Variants in BCAR3 observed in about 807,000 individuals in gnomAD.
BCAR3 encodes breast cancer anti-estrogen resistance protein 3.
A neutral mutation model predicts 80.1 loss-of-function variants in BCAR3; 37 were observed. That is an observed-to-expected ratio of 0.46 (90% CI 0.36 to 0.61). BCAR3 has a LOEUF of 0.61. Ranked by LOEUF, BCAR3 falls within the 20% of genes least tolerant of loss-of-function variation. BCAR3 has a pLI of 0.00. For synonymous variants in BCAR3, 389 were observed against 418.9 expected, an observed-to-expected ratio of 0.93 and a Z score of 0.87; for missense variants, 978 against 1,068.2, an observed-to-expected ratio of 0.92 and a Z score of 1.18.
chr1:93,737,112 T>C (rs984501717), intron 2 of BCAR3, among the ~76,000 whole-genome samples: 3 of 152,306 alleles, frequency 2.0e-5, no homozygotes, highest in East Asian at 1.9e-4. Context: ...TGTGGAGTGC[T>C]GTGGTCAGAT....
chr1:93,659,722 T>C lies in BCAR3; in HGVS notation c.317+14892A>G, dbSNP rs182879992. On this transcript the variant is annotated intron_variant, in intron 2 of 11. Transcript: ENST00000260502. ...CAGCCTAATCTCCTCACCTTGCTCC[T>C]TACACTCCAGCAAATTTAACTACTT... Among the ~76,000 whole-genome samples the C allele has an allele frequency of 3.9e-5, 6 of 152,120 alleles. No homozygotes were observed. In the East Asian group the frequency reaches 1.2e-3, roughly 29 times the overall value.
intron 2 of BCAR3, among the ~76,000 whole-genome samples, chr1:93,800,802 G>A (rs561702562): frequency 2.6e-4 from 39 of 152,098 alleles, no homozygotes; most frequent in South Asian, 6.3e-4. Context: ...AAGATGTATC[G>A]GTGTAGAAGG....
At chr1:93,764,241 C>A (rs1652060577) in intron 2 of BCAR3, among the ~76,000 whole-genome samples, 1 of 152,056 alleles carries the variant, frequency 6.6e-6, no homozygotes, top group African/African-American at 2.4e-5. Context: ...TCCTCCCACA[C>A]TTCCAGGGGG....
intron 2 of BCAR3, among the ~76,000 whole-genome samples, chr1:93,761,053 G>C (rs1651926990): frequency 6.6e-6 from 1 of 152,156 alleles, no homozygotes; most frequent in Non-Finnish European, 1.5e-5. Flanking sequence ...TAACTACTGT[G>C]GTTTTATGCT....
chr1:93,830,741 C>G (rs112964164), intron 2 of BCAR3, among the ~76,000 whole-genome samples: 1 of 152,164 alleles, frequency 6.6e-6, no homozygotes, highest in Non-Finnish European at 1.5e-5. Flanking sequence ...CACGGACGTG[C>G]GTCACATTTG....
At position 93,592,547 on chromosome 1, in the gene BCAR3, C is replaced by T; in HGVS notation, c.358-154G>A. ...GATAATGATTACAAAGAGCTGTGACCTTTCGTTTCTCCGGCCGCAACCATG... is the reference window on the plus strand; with the variant it reads ...GATAATGATTACAAAGAGCTGTGACTTTTCGTTTCTCCGGCCGCAACCATG... On this transcript the variant is annotated intron_variant, in intron 3 of 11. Coordinates refer to ENST00000260502, the MANE Select transcript of BCAR3 (RefSeq NM_003567.4). The surrounding 1 kb of genome is among the most constrained non-coding windows in gnomAD (Gnocchi z 4.8). The T allele has an allele frequency of 9.3e-7, 1 of 1,071,486 alleles. No homozygotes were observed. The highest frequency in any genetic ancestry group is 1.3e-6 in the Non-Finnish European group (1 of 769,138). The allele number at this position is 1,071,486 out of a possible 1,614,324, so 66.4% of individuals were successfully genotyped here.
At chr1:93,636,662 A>G (rs998137773) in intron 3 of BCAR3, among the ~76,000 whole-genome samples, 1 of 152,190 alleles carries the variant, frequency 6.6e-6, no homozygotes, top group African/African-American at 2.4e-5. Flanking sequence ...AATGTATAAT[A>G]AACACTTCTT....
In BCAR3 at chr1:93,567,274, C is replaced by A; in HGVS notation, c.2299+5G>T. On this transcript the variant is annotated splice_donor_5th_base_variant and intron_variant, in intron 11 of 11. Transcript: ENST00000260502. ...AGAGAACAGCTTACAAAACCCATCT[C>A]TTACCTGCCAGGATCCTCTCAGCAT... The A allele has an allele frequency of 6.2e-7, 1 of 1,613,706 alleles. No individual in the cohort carries two copies. The highest frequency in any genetic ancestry group is 1.3e-5 in the African/African-American group (1 of 75,050).
At chr1:93,633,453 C>G (rs1397709698) in intron 3 of BCAR3, among the ~76,000 whole-genome samples, 1 of 152,170 alleles carries the variant, frequency 6.6e-6, no homozygotes, top group Non-Finnish European at 1.5e-5. Flanking sequence ...TGAACAATTA[C>G]AAACACATGG....
chr1:93,626,471 G>A (rs1416061792), intron 3 of BCAR3, among the ~76,000 whole-genome samples: 4 of 152,138 alleles, frequency 2.6e-5, no homozygotes, highest in Non-Finnish European at 5.9e-5. Flanking sequence ...CAGGCTGGGG[G>A]GTCTTCTGGG....
intron 1 of BCAR3, among the ~76,000 whole-genome samples, chr1:93,846,291 C>T (rs997736646): frequency 6.6e-6 from 1 of 152,184 alleles, no homozygotes; most frequent in African/African-American, 2.4e-5. Context: ...GGGTGGGCCG[C>T]GGCTGGCGGG....
intron 3 of BCAR3, among the ~76,000 whole-genome samples, chr1:93,705,821 T>C (rs985122621): frequency 6.6e-6 from 1 of 151,578 alleles, no homozygotes; most frequent in African/African-American, 2.4e-5. Context: ...TCAGCTATGA[T>C]ATCATATTGT....
rs79424954 is a variant in BCAR3, at chr1:93,673,579, A to T, written c.317+1035T>A. Among the ~76,000 whole-genome samples, 241 of 152,378 alleles carry T rather than the reference A, an allele frequency of 1.6e-3. 1 individual carries two copies. The highest frequency in any genetic ancestry group is 5.4e-3 in the African/African-American group (226 of 41,600). ...CCCATTCTTTACCAGATAGCATCAC[A>T]GGCTGCTGATCTTCCCCAACAGGAA... On this transcript the variant is annotated intron_variant, in intron 2 of 11. Transcript: ENST00000260502.
intron 2 of BCAR3, among the ~76,000 whole-genome samples, chr1:93,743,369 C>A (rs1235989902): frequency 8.5e-5 from 13 of 152,154 alleles, no homozygotes. Flanking sequence ...TGGAGGTGAC[C>A]CTTCCAGATC....
Position 93,589,037 on chromosome 1 carries a change from C to G in BCAR3, c.869G>C (p.Ser290Thr), listed in dbSNP as rs143405033. The stretch of plus-strand genomic sequence containing the variant: ...GGCCTGGACGCCACCCATGGTGAGG[C>G]TCAGCCTCTTGGCCACATCCGGCCT... ...KGRPDVAKRL[S>T]LTMGGVQARE... Residue 290 changes from serine to threonine, a missense_variant, in exon 5 of 12, where the codon AGC becomes ACC. Ser to Thr is a moderately conservative substitution (Grantham distance 58). Coordinates refer to ENST00000260502, the MANE Select transcript of BCAR3 (RefSeq NM_003567.4). 1.9e-6 allele frequency: 3 copies of G among 1,608,572 alleles called. No homozygotes were observed. In the East Asian group the frequency reaches 6.7e-5, roughly 36 times the overall value.
intron 2 of BCAR3, among the ~76,000 whole-genome samples, chr1:93,808,950 G>A (rs189673667): frequency 6.6e-6 from 1 of 152,224 alleles, no homozygotes; most frequent in Non-Finnish European, 1.5e-5. Context: ...AACTTGTAGA[G>A]TCAACATCAG....
chr1:93,783,992 T>C (rs867405229), intron 2 of BCAR3, among the ~76,000 whole-genome samples: 10 of 152,190 alleles, frequency 6.6e-5, no homozygotes, highest in Admixed American at 6.5e-5. Flanking sequence ...TCATCCACCA[T>C]TTTGTGAGGA....
chr1:93,601,251 G>GA (rs986237675), intron 3 of BCAR3, among the ~76,000 whole-genome samples: 1 of 151,974 alleles, frequency 6.6e-6, no homozygotes, highest in Admixed American at 6.6e-5. Context: ...AAGAAGTAAA[G>GA]AAAAAAAATT....
intron 2 of BCAR3, among the ~76,000 whole-genome samples, chr1:93,800,708 C>T (rs963666159): frequency 6.6e-6 from 1 of 152,128 alleles, no homozygotes; most frequent in Non-Finnish European, 1.5e-5. Context: ...AATCAATCCT[C>T]TTTCAGTTAT....
Sources: allele counts gnomAD v4.1 joint callset (sites outside exome capture counted in the v4.1 genomes callset), GRCh38; gene constraint gnomAD v4.1.1; non-coding constraint Gnocchi (gnomAD v3.1); transcripts MANE v1.5; gene names NCBI Gene and HGNC (gene_info 2026-07-23, HGNC 2026-07-21).